MAPK4: variants seen among roughly 807,000 people sequenced by gnomAD.
MAPK4 encodes mitogen-activated protein kinase 4, also known as Erk3-related.
A neutral mutation model predicts 47.7 loss-of-function variants in MAPK4; 22 were observed. The ratio of observed to expected loss-of-function variants is 0.46; its 90% confidence interval spans 0.33 to 0.66. The LOEUF (loss-of-function observed/expected upper bound fraction) is 0.66. MAPK4 is among the 30% of genes least tolerant of loss of function. MAPK4 has a pLI of 0.02. For missense variants in MAPK4, 736 were observed against 831.7 expected (o/e 0.88, Z 1.42); for synonymous variants, 390 against 365.7 (o/e 1.07, Z -0.76).
At position 50,613,194 on chromosome 18, in the gene MAPK4, G is replaced by A. The variant is rs76356857; in HGVS notation, c.-870-49895G>A. ...AATAGAATATGGCAAAAGTAATGGG[G>A]TGTCACTCCTATGATCATGTTATGT... is the stretch of plus-strand genomic sequence containing the variant. On this transcript the variant is annotated intron_variant, in intron 1 of 5. Transcript: ENST00000400384. Among the ~76,000 whole-genome samples the A allele has an allele frequency of 9.3e-3, 1,422 of 152,264 alleles. 20 individuals are homozygous for A. The highest frequency in any genetic ancestry group is 0.032 in the African/African-American group (1,338 of 41,536).
chr18:50,711,350 A>G (rs1174129499), intron 2 of MAPK4, among the ~76,000 whole-genome samples: 1 of 152,244 alleles, frequency 6.6e-6, no homozygotes, highest in East Asian at 1.9e-4. Context: ...GGGTCTAGAA[A>G]GGAAACCATG....
Position 50,578,199 on chromosome 18 carries a change from G to T in MAPK4, c.-871+17956G>T, listed in dbSNP as rs189077770. On this transcript the variant is annotated intron_variant, in intron 1 of 5. Coordinates refer to ENST00000400384, the MANE Select transcript of MAPK4 (RefSeq NM_002747.4). ...CAGGTGAATGCAGCTGTTTTAAACTGCGAGCGCTCAGCTATCCTGGAAAAG... is the reference window on the plus strand; with the variant it reads ...CAGGTGAATGCAGCTGTTTTAAACTTCGAGCGCTCAGCTATCCTGGAAAAG... Among the ~76,000 whole-genome samples, 30 of 152,330 alleles carry T rather than the reference G, an allele frequency of 2.0e-4. No homozygotes were observed. In the East Asian group the frequency reaches 4.8e-3, roughly 24 times the overall value.
At chr18:50,706,452 C>T (rs571316931) in intron 2 of MAPK4, among the ~76,000 whole-genome samples, 39 of 146,562 alleles carry the variant, frequency 2.7e-4, no homozygotes, top group Admixed American at 1.9e-3. Flanking sequence ...GAGTCCTGAA[C>T]GTCAGTTTTT....
intron 1 of MAPK4, among the ~76,000 whole-genome samples, chr18:50,594,345 A>C (rs1158575540): frequency 3.3e-5 from 5 of 152,172 alleles, no homozygotes; most frequent in Non-Finnish European, 5.9e-5. Flanking sequence ...GGCATCGTTC[A>C]ATCAAGTTGA....
In MAPK4 at chr18:50,730,028, C is replaced by A. The variant is rs371909184; in HGVS notation, c.*174C>A. The A allele has an allele frequency of 1.6e-6, 1 of 639,644 alleles. No homozygotes were observed. Among genetic ancestry groups the A allele is most frequent in the South Asian group, 3.1e-5 (1 of 32,218 alleles). The allele number at this position is 639,644 out of a possible 1,614,324, so 39.6% of individuals were successfully genotyped here. A position where few individuals can be genotyped will look rare whatever the true frequency, so the allele number is the denominator to read the frequency against. ...TTTCTTAAACTGCCTTAATAACTAG[C>A]CTTTAACCTGTGGGAGCGGGTTTGA... is the stretch of plus-strand genomic sequence containing the variant. On this transcript the variant is annotated 3_prime_UTR_variant, in exon 6 of 6. Transcript: ENST00000400384.
intron 2 of MAPK4, chr18:50,706,211 G>A (rs909308922): frequency 2.6e-5 from 4 of 152,082 alleles, no homozygotes; most frequent in Middle Eastern, 3.2e-3. Flanking sequence ...GGCTACTCAA[G>A]GATTTATCTT....
upstream of MAPK4, chr18:50,559,968 C>G (rs956559009): frequency 2.0e-5 from 3 of 149,842 alleles, no homozygotes; most frequent in Non-Finnish European, 4.5e-5. Flanking sequence ...GCCCAGGGCC[C>G]GGCTCCCCAG....
At chr18:50,703,748 A>C (rs755367690) in intron 2 of MAPK4, among the ~76,000 whole-genome samples, 1 of 152,176 alleles carries the variant, frequency 6.6e-6, no homozygotes, top group Non-Finnish European at 1.5e-5. Flanking sequence ...CCCCATCTAG[A>C]AGATTCTGAG....
chr18:50,726,091 T>C lies in MAPK4; in HGVS notation c.983T>C (p.Phe328Ser), dbSNP rs1357972254. 6.2e-7 allele frequency: 1 copy of C among 1,613,996 alleles called. No homozygotes were observed. The highest frequency in any genetic ancestry group is 1.7e-5 in the Admixed American group (1 of 60,004). The change falls in exon 5 of 6, where the codon TTC becomes TCC. Residue 328 changes from phenylalanine (F) to serine (S), a missense_variant. By Grantham distance (155) the Phe-to-Ser change is radical. This residue lies in a region of MAPK4 where 32 missense variants were observed against 57.7 expected (regional missense o/e 0.55). Coordinates refer to ENST00000400384, the MANE Select transcript of MAPK4 (RefSeq NM_002747.4). ...PEDEPTSQHP[F>S]RIEDEIDDIV... ...GACGAGCCCACCTCACAACACCCCTTCCGCATTGAGGATGAGATCGACGAC... is the reference window on the plus strand; with the variant it reads ...GACGAGCCCACCTCACAACACCCCTCCCGCATTGAGGATGAGATCGACGAC...
intron 1 of MAPK4, among the ~76,000 whole-genome samples, chr18:50,563,289 T>C (rs1166035851): frequency 1.3e-5 from 2 of 152,186 alleles, no homozygotes; most frequent in African/African-American, 4.8e-5. Context: ...TAACAAAGAC[T>C]TTCCTCCCAA....
chr18:50,630,467 G>A (rs1419356525), intron 1 of MAPK4, among the ~76,000 whole-genome samples: 1 of 152,158 alleles, frequency 6.6e-6, no homozygotes. Flanking sequence ...GGGATTACAG[G>A]TGTTAGCCAC....
At chr18:50,728,255 G>A (rs1172666516) in intron 5 of MAPK4, among the ~76,000 whole-genome samples, 1 of 152,230 alleles carries the variant, frequency 6.6e-6, no homozygotes, top group African/African-American at 2.4e-5. Context: ...GGAGGGCTCC[G>A]CCAGAGCTGA....
At chr18:50,608,210 C>T (rs1240545085) in intron 1 of MAPK4, among the ~76,000 whole-genome samples, 1 of 152,206 alleles carries the variant, frequency 6.6e-6, no homozygotes, top group Non-Finnish European at 1.5e-5. Context: ...CCTGCTCCTC[C>T]TTCACCCCTG....
At chr18:50,578,569 A>C (rs2042317393) in intron 1 of MAPK4, among the ~76,000 whole-genome samples, 1 of 152,212 alleles carries the variant, frequency 6.6e-6, no homozygotes, top group Non-Finnish European at 1.5e-5. Flanking sequence ...GATTGCTGCA[A>C]ATCTACCTAA....
At chr18:50,646,839 T>C (rs1336042534) in intron 1 of MAPK4, among the ~76,000 whole-genome samples, 1 of 152,322 alleles carries the variant, frequency 6.6e-6, no homozygotes, top group South Asian at 2.1e-4. Context: ...GTATGGACCC[T>C]TGCCCACCTC....
intron 1 of MAPK4, among the ~76,000 whole-genome samples, chr18:50,601,248 C>A (rs996697588): frequency 2.1e-5 from 3 of 145,802 alleles, no homozygotes; most frequent in African/African-American, 7.6e-5. Flanking sequence ...GTGGGAAGAT[C>A]GCTGGAGCCT....
intron 4 of MAPK4, among the ~76,000 whole-genome samples, chr18:50,723,272 A>C (rs1911025076): frequency 6.6e-6 from 1 of 152,150 alleles, no homozygotes; most frequent in African/African-American, 2.4e-5. Flanking sequence ...AGGGGAAGAG[A>C]GAGCAGAGAC....
chr18:50,578,227 G>A (rs564274458), intron 1 of MAPK4, among the ~76,000 whole-genome samples: 1 of 152,334 alleles, frequency 6.6e-6, no homozygotes, highest in East Asian at 1.9e-4. Flanking sequence ...TGGAAAAGGG[G>A]AAGTGGCCAG....
chr18:50,721,184 T>C (rs1910916636), intron 3 of MAPK4, among the ~76,000 whole-genome samples: 2 of 152,142 alleles, frequency 1.3e-5, no homozygotes, highest in Non-Finnish European at 2.9e-5. Flanking sequence ...TGGCCAGTGG[T>C]TGTCTGGGTG....
Sources: allele counts gnomAD v4.1 joint callset (sites outside exome capture counted in the v4.1 genomes callset), GRCh38; gene constraint gnomAD v4.1.1; regional missense constraint gnomAD v4.1.1; transcripts MANE v1.5; gene names NCBI Gene and HGNC (gene_info 2026-07-23, HGNC 2026-07-21).